Variants in NBAS observed in about 807,000 individuals in gnomAD.
NBAS encodes NAG/BC035112 fusion.
Under a neutral mutation model 302.5 loss-of-function variants are expected in NBAS, and 219 were observed. The ratio of observed to expected loss-of-function variants is 0.72; its 90% CI spans 0.65 to 0.81. The LOEUF is 0.81. Ranked by LOEUF, NBAS falls within the 30% of genes least tolerant of loss-of-function variation. The probability of loss-of-function intolerance (pLI) is 0.00; values close to 1 mark genes in which losing one functional copy is unlikely to be tolerated. For synonymous variants in NBAS, 1,118 were observed against 1,021.6 expected, an observed-to-expected ratio of 1.09 and a Z score of -1.80; for missense variants, 2,932 against 2,841.6, an observed-to-expected ratio of 1.03 and a Z score of -0.72.
intron 21 of NBAS, among the ~76,000 whole-genome samples, chr2:15,433,491 A>T (rs556708036): frequency 6.6e-6 from 1 of 152,216 alleles, no homozygotes; most frequent in African/African-American, 2.4e-5. Context: ...TATGATAAAC[A>T]ATAGCATCAT....
At chr2:14,823,659 G>A in the NBAS span, among the ~76,000 whole-genome samples, 4 of 152,110 alleles carry the variant, frequency 2.6e-5, no homozygotes, top group African/African-American at 4.8e-5. Flanking sequence ...GCAAACTCAA[G>A]TGACATTAAA....
At chr2:15,135,228 G>A in the NBAS span, among the ~76,000 whole-genome samples, 171 of 152,292 alleles carry the variant, frequency 1.1e-3, 2 homozygotes, top group Middle Eastern at 3.4e-3. Flanking sequence ...AAGGTGGCCT[G>A]GGGGGAGGCT....
chr2:14,860,200 G>A, the NBAS span, among the ~76,000 whole-genome samples: 3 of 152,046 alleles, frequency 2.0e-5, no homozygotes, highest in Non-Finnish European at 4.4e-5. Flanking sequence ...CAAGAATGTG[G>A]AGAAAGAGAG....
At chr2:15,044,601 C>A in the NBAS span, among the ~76,000 whole-genome samples, 2 of 152,218 alleles carry the variant, frequency 1.3e-5, no homozygotes, top group African/African-American at 4.8e-5. Flanking sequence ...GTTGAAACTC[C>A]AAAGTCTTTG....
At chr2:14,955,715 C>T in the NBAS span, among the ~76,000 whole-genome samples, 1 of 152,216 alleles carries the variant, frequency 6.6e-6, no homozygotes, top group Non-Finnish European at 1.5e-5. Flanking sequence ...TGTACCTTGG[C>T]TCCTTTTAGC....
intron 41 of NBAS, among the ~76,000 whole-genome samples, 191 bp downstream of exon 41, chr2:15,292,346 C>A (rs964074360): frequency 8.5e-5 from 13 of 152,188 alleles, no homozygotes; most frequent in Non-Finnish European, 1.6e-4. Context: ...GCTGGGAATG[C>A]TGGCTGCATC....
chr2:15,137,627 A>C, the NBAS span, among the ~76,000 whole-genome samples: 2 of 152,222 alleles, frequency 1.3e-5, no homozygotes, highest in African/African-American at 4.8e-5. Flanking sequence ...AAATGATGAG[A>C]GGAGGATCTT....
chr2:15,015,159 A>G, the NBAS span, among the ~76,000 whole-genome samples: 1 of 151,920 alleles, frequency 6.6e-6, no homozygotes, highest in African/African-American at 2.4e-5. Context: ...CAAAAAAAAA[A>G]AAAAATCCAG....
In NBAS at chr2:15,249,168, A is replaced by G. The variant is rs139330212; in HGVS notation, c.5725-10482T>C. ...TGCGAGGCTGGTTCAACATACTCAA[A>G]TCAATAAACGTAATCTATCACATAA... On this transcript the variant is annotated intron_variant, in intron 44 of 51. Transcript: ENST00000281513. Among the ~76,000 whole-genome samples the G allele has an allele frequency of 3.7e-3, 569 of 152,298 alleles. 3 individuals carry two copies. Among genetic ancestry groups the G allele is most frequent in the African/African-American group, 0.013 (550 of 41,550 alleles).
At chr2:15,558,489 A>G in intron 2 of NBAS, 91 bp downstream of exon 2, 1 of 909,916 alleles carries the variant, frequency 1.1e-6, no homozygotes, top group South Asian at 1.5e-5. Flanking sequence ...GATAACACAC[A>G]TTACTTTTAT....
chr2:15,376,594 C>G (rs3828464), intron 30 of NBAS, among the ~76,000 whole-genome samples: 87,710 of 151,924 alleles, frequency 0.58, 25,957 homozygotes, highest in Middle Eastern at 0.69. Context: ...AAGATATCAC[C>G]TGTGTGGGGG....
intron 25 of NBAS, among the ~76,000 whole-genome samples, chr2:15,407,978 C>T (rs972741025): frequency 1.1e-3 from 169 of 152,278 alleles, no homozygotes; most frequent in African/African-American, 3.9e-3. Flanking sequence ...TCTCTATCTT[C>T]AAAGACAGCA....
chr2:15,180,874 T>C (rs1664786876), intron 50 of NBAS, among the ~76,000 whole-genome samples: 1 of 152,228 alleles, frequency 6.6e-6, no homozygotes, highest in Non-Finnish European at 1.5e-5. Flanking sequence ...TTTTGCTCTT[T>C]CTCTGTCTGA....
intron 9 of NBAS, among the ~76,000 whole-genome samples, chr2:15,532,155 CT>C (rs1240030935): frequency 6.6e-6 from 1 of 152,062 alleles, no homozygotes; most frequent in Admixed American, 6.6e-5. Context: ...ATACAAGCTT[CT>C]TTTCTTACCT....
intron 41 of NBAS, among the ~76,000 whole-genome samples, chr2:15,291,176 G>T (rs1270813873): frequency 6.6e-6 from 1 of 152,170 alleles, no homozygotes; most frequent in Non-Finnish European, 1.5e-5. Flanking sequence ...GGGTTGTAGG[G>T]GAGGCCTGTG....
intron 25 of NBAS, among the ~76,000 whole-genome samples, chr2:15,410,341 T>C (rs544280109): frequency 1.3e-5 from 2 of 152,320 alleles, no homozygotes; most frequent in Non-Finnish European, 2.9e-5. Context: ...TTCCCAAGTG[T>C]TCATTATTCT....
chr2:15,218,545 T>G (rs571504142), intron 48 of NBAS, among the ~76,000 whole-genome samples: 64 of 152,254 alleles, frequency 4.2e-4, no homozygotes, highest in African/African-American at 1.4e-3. Context: ...TGCCTCAGCC[T>G]CCCGAGCAGC....
intron 6 of NBAS, among the ~76,000 whole-genome samples, chr2:15,540,975 C>A (rs937710928): frequency 6.6e-6 from 1 of 152,114 alleles, no homozygotes; most frequent in African/African-American, 2.4e-5. Flanking sequence ...CCGCCCGCCT[C>A]AGCCTCCCAA....
At chr2:14,984,664 C>T in the NBAS span, among the ~76,000 whole-genome samples, 1 of 152,212 alleles carries the variant, frequency 6.6e-6, no homozygotes. Flanking sequence ...CTATACTTCC[C>T]TCCATATTCC....
Sources: allele counts gnomAD v4.1 joint callset (sites outside exome capture counted in the v4.1 genomes callset), GRCh38; gene constraint gnomAD v4.1.1; transcripts MANE v1.5; gene names NCBI Gene and HGNC (gene_info 2026-07-23, HGNC 2026-07-21).